The following PRDM4 variants were observed in gnomAD, a reference collection of about 807,000 sequenced individuals.
PRDM4 encodes PR/SET domain 4, also known as PR domain zinc finger protein 4.
In PRDM4, 38 loss-of-function variants were observed where a neutral mutation model predicts 62.3. The ratio of observed to expected loss-of-function variants is 0.61; its 90% CI spans 0.47 to 0.80. The LOEUF (loss-of-function observed/expected upper bound fraction) is 0.80. PRDM4 is among the 30% of genes least tolerant of loss of function. The pLI is 0.00. For synonymous variants in PRDM4, 339 were observed against 348.2 expected, an observed-to-expected ratio of 0.97 and a Z score of 0.30; for missense variants, 858 against 997.1, an observed-to-expected ratio of 0.86 and a Z score of 1.88.
chr12:107,743,153 C>T (rs752358103), intron 8 of PRDM4, 44 bp downstream of exon 8: 1 of 1,452,222 alleles, frequency 6.9e-7, no homozygotes, highest in Non-Finnish European at 9.7e-7. Flanking sequence ...TATTGAAAAA[C>T]ATCTAAATGG....
chr12:107,740,523 AG>A (rs374020474), intron 10 of PRDM4, among the ~76,000 whole-genome samples: 1 of 152,216 alleles, frequency 6.6e-6, no homozygotes, highest in Non-Finnish European at 1.5e-5. Flanking sequence ...AAGTACTAAA[AG>A]AAAGGTGTTG....
In PRDM4 at chr12:107,743,075, C is replaced by A. The variant is rs1355557489; in HGVS notation, c.1481+122G>T. The A allele has an allele frequency of 1.5e-5, 12 of 794,866 alleles. No individual in the cohort carries two copies. The Admixed American group carries it at 2.6e-4, about 17-fold the overall frequency. The allele number at this position is 794,866 out of a possible 1,614,324, so 49.2% of individuals were successfully genotyped here. On this transcript the variant is annotated intron_variant, in intron 8 of 11. Transcript: ENST00000228437. The stretch of plus-strand genomic sequence containing the variant: ...AGCCACCATGCCTGGCTGCCTTGGG[C>A]TTTAAGTATGTCCAGGTGTTGGTGT...
At chr12:107,753,532 TA>T (rs2136329849) in intron 4 of PRDM4, among the ~76,000 whole-genome samples, 1 of 152,326 alleles carries the variant, frequency 6.6e-6, no homozygotes, top group African/African-American at 2.4e-5. Context: ...CCTTATTTGC[TA>T]AATTTTCCGC....
rs1566090290 is a variant in PRDM4, at chr12:107,734,535, C to A, written c.2094-13G>T. ...GATCTGGCGTTCTCTAAGAGGAACA[C>A]AAGAAAAAACATTTGATTTGGGGTT... On this transcript the variant is annotated splice_polypyrimidine_tract_variant and intron_variant, in intron 11 of 11. Coordinates refer to ENST00000228437, the MANE Select transcript of PRDM4 (RefSeq NM_012406.4). The A allele has an allele frequency of 5.0e-6, 8 of 1,591,408 alleles. No individual in the cohort carries two copies. In the Admixed American group the frequency reaches 5.4e-5, roughly 11 times the overall value.
Position 107,743,268 on chromosome 12 carries a change from A to G in PRDM4, c.1410T>C (p.Gly470=). Residue 470 remains glycine, a synonymous_variant, in exon 8 of 12, where the codon GGT becomes GGC. Transcript: ENST00000228437. ...VNHIWKIYHN[G]VLEFCIITTD... ...TTGTAATGATGCAGAATTCTAGGAC[A>G]CCATTGTGGTATATCTGCCAACAGA... 6.2e-7 allele frequency: 1 copy of G among 1,612,160 alleles called. No homozygotes were observed. Among genetic ancestry groups the G allele is most frequent in the Non-Finnish European group, 8.5e-7 (1 of 1,178,268 alleles).
chr12:107,747,819 G>A (rs571911633), intron 5 of PRDM4, among the ~76,000 whole-genome samples: 8 of 151,340 alleles, frequency 5.3e-5, no homozygotes, highest in Admixed American at 2.6e-4. Context: ...TTTTTAAGAC[G>A]GGGTCCCGAT....
intron 11 of PRDM4, chr12:107,739,154 A>C: frequency 2.2e-6 from 1 of 454,174 alleles, no homozygotes; most frequent in Non-Finnish European, 3.9e-6. Context: ...AAAAGAGTAC[A>C]TGTGAAAAGT....
At chr12:107,747,998 C>T (rs565982599) in intron 5 of PRDM4, among the ~76,000 whole-genome samples, 12 of 151,926 alleles carry the variant, frequency 7.9e-5, no homozygotes, top group Admixed American at 5.2e-4. Context: ...GGTAGAAACA[C>T]GGCAAATCGT....
At chr12:107,741,455 A>G (rs564010208) in intron 9 of PRDM4, among the ~76,000 whole-genome samples, 195 bp from the exon 10 acceptor site, 3 of 152,146 alleles carry the variant, frequency 2.0e-5, no homozygotes, top group African/African-American at 4.8e-5. Context: ...CAGGCCTGCA[A>G]TCTTAGTGCT....
chr12:107,759,470 T>C (rs1891161665), intron 2 of PRDM4, among the ~76,000 whole-genome samples: 1 of 152,204 alleles, frequency 6.6e-6, no homozygotes, highest in Admixed American at 6.5e-5. Context: ...AGTCTGCACC[T>C]TCAACTCTCA....
chr12:107,760,923 C>G (rs1251818271), intron 1 of PRDM4, 34 bp downstream of exon 1: 1 of 148,356 alleles, frequency 6.7e-6, no homozygotes, highest in Non-Finnish European at 1.5e-5. Flanking sequence ...CGCCGCGCCC[C>G]GCCCCGCTCC....
At chr12:107,744,736 C>A in intron 6 of PRDM4, 75 bp from the exon 7 acceptor site, 1 of 1,561,552 alleles carries the variant, frequency 6.4e-7, no homozygotes, top group South Asian at 1.1e-5. Flanking sequence ...GTGCTTCACC[C>A]ATGCAAAGAA....
In PRDM4 at chr12:107,756,902, A is replaced by G. The variant is rs1170290152; in HGVS notation, c.75T>C (p.Asn25=). The change falls in exon 3 of 12, where the codon AAT becomes AAC. Residue 25 remains asparagine (N), a synonymous_variant. Coordinates refer to ENST00000228437, the MANE Select transcript of PRDM4 (RefSeq NM_012406.4). The stretch of plus-strand genomic sequence containing the variant: ...GGTGACTTCCTGAGACTGGCAAGGC[A>G]TTGCTCACAGAGGATGAAGTCAGCT... ...MEQLTSSSVS[N]ALPVSGSHLG... 24 of 1,614,168 alleles carry G rather than the reference A, an allele frequency of 1.5e-5. No individual in the cohort carries two copies. The East Asian group carries it at 5.3e-4, about 36-fold the overall frequency.
At position 107,737,390 on chromosome 12, in the gene PRDM4, A is replaced by G. The variant is rs560215096; in HGVS notation, c.2093+1993T>C. ...CCATTTTGAGGGAACAGTGCTTCTT[A>G]TAAGAATGACTTATACCAGCTTTAA... On this transcript the variant is annotated intron_variant, in intron 11 of 11. Transcript: ENST00000228437. Among the ~76,000 whole-genome samples, 26 of 152,352 alleles carry G rather than the reference A, an allele frequency of 1.7e-4. No individual in the cohort carries two copies. In the South Asian group the frequency reaches 5.0e-3, roughly 29 times the overall value.
intron 5 of PRDM4, among the ~76,000 whole-genome samples, chr12:107,747,735 T>G (rs1189807281): frequency 3.9e-5 from 6 of 152,076 alleles, no homozygotes; most frequent in Non-Finnish European, 4.4e-5. Flanking sequence ...ACATTTAAAC[T>G]CCACAACCAT....
intron 4 of PRDM4, among the ~76,000 whole-genome samples, chr12:107,753,335 C>G (rs1005041451): frequency 2.0e-5 from 3 of 149,840 alleles, no homozygotes; most frequent in African/African-American, 7.4e-5. Context: ...AGTTCCAGTC[C>G]AGCCTGGGCA....
chr12:107,745,245 C>T (rs1027819115), intron 6 of PRDM4, among the ~76,000 whole-genome samples: 6 of 152,066 alleles, frequency 3.9e-5, no homozygotes, highest in Non-Finnish European at 8.8e-5. Flanking sequence ...GGAATCTTTT[C>T]ATGTCTCTCC....
At chr12:107,754,636 G>A (rs1187602619) in intron 3 of PRDM4, among the ~76,000 whole-genome samples, 1 of 152,100 alleles carries the variant, frequency 6.6e-6, no homozygotes, top group East Asian at 1.9e-4. Flanking sequence ...GCCCACCTCA[G>A]CCTCCCAAAG....
Position 107,752,166 on chromosome 12 carries a change from G to C in PRDM4, c.375C>G (p.Ile125Met). Residue 125 changes from isoleucine to methionine, a missense_variant, in exon 5 of 12, where the codon ATC becomes ATG. Coordinates refer to ENST00000228437, the MANE Select transcript of PRDM4 (RefSeq NM_012406.4). ...YLADRPPPQY[I>M]HPNSINVDGN... ...CATCAACATTTATAGAGTTAGGGTG[G>C]ATGTACTGTGGAGGTGGTCTGTCAG... 6.3e-7 allele frequency: 1 copy of C among 1,598,800 alleles called. No homozygotes were observed. The highest frequency in any genetic ancestry group is 8.6e-7 in the Non-Finnish European group (1 of 1,166,078).
Sources: allele counts gnomAD v4.1 joint callset (sites outside exome capture counted in the v4.1 genomes callset), GRCh38; gene constraint gnomAD v4.1.1; transcripts MANE v1.5; gene names NCBI Gene and HGNC (gene_info 2026-07-23, HGNC 2026-07-21).